Variants in FRMPD2 observed in about 807,000 individuals in gnomAD.
FRMPD2 encodes the protein FERM and PDZ domain containing 2.
In FRMPD2, 96 loss-of-function variants were observed where a neutral mutation model predicts 140.1. The ratio of observed to expected loss-of-function variants is 0.69; its 90% CI spans 0.58 to 0.81. The LOEUF (loss-of-function observed/expected upper bound fraction) is 0.81, where lower values mean the gene tolerates loss of function less well. Among genes scored for constraint, FRMPD2 ranks in the 40% least tolerant of loss-of-function variants. FRMPD2 has a pLI of 0.00. For missense variants in FRMPD2, 1,240 were observed against 1,447.4 expected (o/e 0.86, Z 2.32); for synonymous variants, 449 against 547.6 (o/e 0.82, Z 2.52).
chr10:48,255,585 T>C (rs1437868313), intron 1 of FRMPD2, among the ~76,000 whole-genome samples: 1 of 152,090 alleles, frequency 6.6e-6, no homozygotes, highest in Non-Finnish European at 1.5e-5. Flanking sequence ...CTGAGAGTCA[T>C]GGGGATGGGC....
chr10:48,164,438 T>C (rs1203863189), intron 27 of FRMPD2, among the ~76,000 whole-genome samples: 9 of 150,516 alleles, frequency 6.0e-5, no homozygotes, highest in Non-Finnish European at 5.9e-5. Context: ...ATCATGATTT[T>C]ACCTTTTCCT....
intron 1 of FRMPD2, among the ~76,000 whole-genome samples, chr10:48,264,367 T>C (rs1029229810): frequency 6.6e-6 from 1 of 152,086 alleles, no homozygotes; most frequent in Non-Finnish European, 1.5e-5. Flanking sequence ...TGATTGTCCA[T>C]GTATGAAATC....
chr10:48,248,932 G>A, intron 3 of FRMPD2, 89 bp downstream of exon 3: 2 of 1,234,244 alleles, frequency 1.6e-6, no homozygotes, highest in East Asian at 2.5e-5. Context: ...GCTCTGCAAG[G>A]CTGAGCTGGG....
intron 4 of FRMPD2, 111 bp from the exon 5 acceptor site, chr10:48,242,463 AC>A: frequency 1.1e-6 from 1 of 885,838 alleles, no homozygotes; most frequent in Non-Finnish European, 1.7e-6. Context: ...TCCCACAAGC[AC>A]CAGAGCAGAT....
chr10:48,236,936 C>G (rs549258292), intron 8 of FRMPD2, among the ~76,000 whole-genome samples: 1 of 152,206 alleles, frequency 6.6e-6, no homozygotes, highest in South Asian at 2.1e-4. Context: ...TTTAGATGAG[C>G]TGAAATGTTT....
intron 1 of FRMPD2, among the ~76,000 whole-genome samples, chr10:48,269,439 T>C (rs1237802503): frequency 1.3e-5 from 2 of 152,162 alleles, no homozygotes; most frequent in African/African-American, 2.4e-5. Context: ...AGGTGGTACC[T>C]AGTACAAGGG....
At chr10:48,198,737 G>A in intron 15 of FRMPD2, among the ~76,000 whole-genome samples, 1 of 152,178 alleles carries the variant, frequency 6.6e-6, no homozygotes, top group South Asian at 2.1e-4. Flanking sequence ...ATTTATTTGT[G>A]TCATCTCTGA....
chr10:48,238,712 C>T (rs191851911), intron 7 of FRMPD2, among the ~76,000 whole-genome samples: 44 of 152,282 alleles, frequency 2.9e-4, no homozygotes, highest in Admixed American at 1.8e-3. Flanking sequence ...AAATAAACAC[C>T]GTTCCAGGTC....
At chr10:48,256,723 G>A (rs1277785005) in intron 1 of FRMPD2, among the ~76,000 whole-genome samples, 14 of 152,174 alleles carry the variant, frequency 9.2e-5, no homozygotes, top group Admixed American at 9.2e-4. Flanking sequence ...GCAGGATGGG[G>A]ATGAGTCACA....
chr10:48,184,536 T>G lies in FRMPD2; in HGVS notation c.2584+30A>C, dbSNP rs200916113. On this transcript the variant is annotated intron_variant, in intron 20 of 28. Transcript: ENST00000374201. Reference sequence around the variant, plus strand: ...GTACTCCTGAAAACAGGGGAGCCTCTTAAGCTCCCAAGAGTGGGTTAAAAC... The same window carrying G: ...GTACTCCTGAAAACAGGGGAGCCTCGTAAGCTCCCAAGAGTGGGTTAAAAC... The G allele has an allele frequency of 2.6e-4, 370 of 1,419,448 alleles. 4 individuals are homozygous for G. In the East Asian group the frequency reaches 7.8e-3, roughly 30 times the overall value. 87.9% of individuals were successfully genotyped at this position (1,419,448 alleles called of 1,614,324 possible). A position where few individuals can be genotyped will look rare whatever the true frequency, so the allele number is the denominator to read the frequency against.
At chr10:48,229,759 A>G (rs935720052) in intron 10 of FRMPD2, among the ~76,000 whole-genome samples, 16 of 152,114 alleles carry the variant, frequency 1.1e-4, no homozygotes, top group African/African-American at 3.9e-4. Context: ...CTCTCTTCAG[A>G]TTTTTAACCA....
At chr10:48,246,369 C>A (rs1312366715) in intron 3 of FRMPD2, among the ~76,000 whole-genome samples, 2 of 152,228 alleles carry the variant, frequency 1.3e-5, no homozygotes, top group Non-Finnish European at 2.9e-5. Context: ...TGTCTTAGGG[C>A]AAGGCCTTGG....
Position 48,251,704 on chromosome 10 carries a change from C to T in FRMPD2, c.26-13G>A, listed in dbSNP as rs760642346. The T allele has an allele frequency of 4.3e-6, 7 of 1,613,800 alleles. No individual in the cohort carries two copies. The highest frequency in any genetic ancestry group is 5.9e-6 in the Non-Finnish European group (7 of 1,179,798). On this transcript the variant is annotated splice_polypyrimidine_tract_variant and intron_variant, in intron 1 of 28. Transcript: ENST00000374201. ...GACAGGCTCATGCCTACAATAAAGA[C>T]ATGCATGTGACAGGGCCTCTGCAAT...
At chr10:48,262,060 G>T (rs1461143952) in intron 1 of FRMPD2, among the ~76,000 whole-genome samples, 1 of 151,944 alleles carries the variant, frequency 6.6e-6, no homozygotes, top group African/African-American at 2.4e-5. Context: ...AAAACCAATT[G>T]CAACAAATAG....
rs780752563 is a variant in FRMPD2 at position 48,192,888 on chromosome 10, T to C, written c.1961A>G (p.Asp654Gly). ...CAAATTGGCCATTTGCACAAACTTA[T>C]CATGGTCTGAATTTGGGGAGAAAAA... ...GQPSHVLFDH[D>G]KFVQMANLSP... The change falls in exon 16 of 29, where the codon GAT becomes GGT. Residue 654 changes from aspartate to glycine, a missense_variant. Physicochemically the swap from Asp to Gly is moderately conservative, Grantham distance 94. Coordinates refer to ENST00000374201, the MANE Select transcript of FRMPD2 (RefSeq NM_001018071.4). 2 of 1,613,038 alleles carry C rather than the reference T, an allele frequency of 1.2e-6. No homozygotes were observed. The highest frequency in any genetic ancestry group is 1.7e-5 in the Admixed American group (1 of 60,008).
intron 4 of FRMPD2, 135 bp downstream of exon 4, chr10:48,244,649 A>G: frequency 1.5e-6 from 1 of 666,814 alleles, no homozygotes; most frequent in South Asian, 1.8e-5. Flanking sequence ...TAAGTTCTCA[A>G]CGCCTGCCTA....
chr10:48,250,767 C>T (rs185193137), intron 2 of FRMPD2, among the ~76,000 whole-genome samples: 178 of 151,616 alleles, frequency 1.2e-3, no homozygotes, highest in South Asian at 2.3e-3. Flanking sequence ...TATTAACCTC[C>T]CCTGTTTAGA....
chr10:48,270,583 C>T (rs996237384), intron 1 of FRMPD2, among the ~76,000 whole-genome samples: 2 of 152,176 alleles, frequency 1.3e-5, no homozygotes, highest in South Asian at 2.1e-4. Flanking sequence ...AACCATCAGT[C>T]CATCCCCTCC....
chr10:48,241,881 G>C (rs890659736), intron 5 of FRMPD2, among the ~76,000 whole-genome samples: 2 of 152,186 alleles, frequency 1.3e-5, no homozygotes, highest in African/African-American at 4.8e-5. Context: ...CACTTGCAAA[G>C]ATGTCAAGGG....
Sources: gnomAD v4.1 joint callset for allele counts (sites outside exome capture counted in the v4.1 genomes callset) on GRCh38, gnomAD v4.1.1 for gene constraint, MANE v1.5 for transcripts, NCBI Gene and HGNC (gene_info 2026-07-23, HGNC 2026-07-21) for gene names.